AGFG1: variants seen among roughly 807,000 people sequenced by gnomAD.
AGFG1 encodes ArfGAP with FG repeats 1.
Under a neutral mutation model 60.6 loss-of-function variants are expected in AGFG1, and 10 were observed. That is an observed-to-expected ratio of 0.16 (90% CI 0.10 to 0.28). AGFG1 has a LOEUF of 0.28. AGFG1 is among the 10% of genes least tolerant of loss of function. The pLI, the probability that AGFG1 is intolerant of heterozygous loss-of-function variation, is 1.00. For missense variants in AGFG1, 537 were observed against 676.5 expected (o/e 0.79, Z 2.29); for synonymous variants, 247 against 242.9 (o/e 1.02, Z -0.16).
At chr2:227,530,147 A>G (rs565491165) in intron 5 of AGFG1, among the ~76,000 whole-genome samples, 1 of 152,274 alleles carries the variant, frequency 6.6e-6, no homozygotes, top group South Asian at 2.1e-4. Flanking sequence ...GTTCCACACT[A>G]AGTTGACTCC....
At chr2:227,549,148 C>G (rs1020977691) in intron 10 of AGFG1, among the ~76,000 whole-genome samples, 3 of 151,996 alleles carry the variant, frequency 2.0e-5, no homozygotes, top group Non-Finnish European at 4.4e-5. Flanking sequence ...AGTATAGATA[C>G]TATTGTCTCT....
intron 3 of AGFG1, among the ~76,000 whole-genome samples, chr2:227,521,080 T>C (rs1439296162): frequency 6.6e-6 from 1 of 152,148 alleles, no homozygotes; most frequent in Non-Finnish European, 1.5e-5. Context: ...TCTTTTTTTT[T>C]TGGAGACTGA....
intron 10 of AGFG1, 21 bp downstream of exon 10, chr2:227,537,014 A>G: frequency 6.3e-7 from 1 of 1,596,882 alleles, no homozygotes; most frequent in Non-Finnish European, 8.6e-7. Flanking sequence ...GAGACAGTGG[A>G]ACAGTAAGTT....
At chr2:227,538,463 G>T (rs1692378219) in intron 10 of AGFG1, among the ~76,000 whole-genome samples, 1 of 152,178 alleles carries the variant, frequency 6.6e-6, no homozygotes, top group Non-Finnish European at 1.5e-5. Context: ...AGATGCTATT[G>T]AGATATTTAT....
At chr2:227,552,415 C>G (rs942550766) in intron 11 of AGFG1, among the ~76,000 whole-genome samples, 5 of 151,980 alleles carry the variant, frequency 3.3e-5, no homozygotes, top group Admixed American at 2.0e-4. Flanking sequence ...TCTAATATAC[C>G]TCTTGATTTT....
rs1172914955 is a variant in AGFG1, at chr2:227,555,698, T to C, written c.*1203T>C. 2 of 152,626 alleles carry C rather than the reference T, an allele frequency of 1.3e-5. No homozygotes were observed. Among genetic ancestry groups the C allele is most frequent in the African/African-American group, 4.8e-5 (2 of 41,458 alleles). 9.5% of individuals were successfully genotyped at this position (152,626 alleles called of 1,614,324 possible). A position where few individuals can be genotyped will look rare whatever the true frequency, so the allele number is the denominator to read the frequency against. On this transcript the variant is annotated 3_prime_UTR_variant, in exon 13 of 13. Transcript: ENST00000310078. Reference sequence around the variant, plus strand: ...GATAATAAGTTTAGTTATATCTTTTTGTTAATATTCAAATGAACTTGTTTA... The same window carrying C: ...GATAATAAGTTTAGTTATATCTTTTCGTTAATATTCAAATGAACTTGTTTA...
intron 2 of AGFG1, among the ~76,000 whole-genome samples, chr2:227,506,702 A>G (rs1298174607): frequency 1.3e-5 from 2 of 151,862 alleles, no homozygotes; most frequent in Non-Finnish European, 2.9e-5. Context: ...TTGGGGTTTT[A>G]ACCTGAGGCT....
At chr2:227,545,035 T>A (rs1297831843) in intron 10 of AGFG1, among the ~76,000 whole-genome samples, 1 of 152,236 alleles carries the variant, frequency 6.6e-6, no homozygotes, top group Non-Finnish European at 1.5e-5. Context: ...TTCTCCTGGA[T>A]AATATCCTGC....
chr2:227,500,798 AAT>A (rs1491479489), intron 2 of AGFG1, among the ~76,000 whole-genome samples: 4 of 151,562 alleles, frequency 2.6e-5, no homozygotes, highest in East Asian at 3.9e-4. Flanking sequence ...TTAAAAAAAA[AAT>A]TTTTTTTTTG....
At chr2:227,472,927 C>T (rs2106144451) in intron 1 of AGFG1, among the ~76,000 whole-genome samples, 1 of 147,632 alleles carries the variant, frequency 6.8e-6, no homozygotes, top group Non-Finnish European at 1.5e-5. Flanking sequence ...CCGCCGCCCT[C>T]GCTCTCCAGC....
chr2:227,509,308 C>T (rs1376580697), intron 2 of AGFG1, among the ~76,000 whole-genome samples: 5 of 152,062 alleles, frequency 3.3e-5, no homozygotes, highest in Non-Finnish European at 7.4e-5. Flanking sequence ...CACCAAACAG[C>T]TGGCCTGTAC....
At position 227,484,677 on chromosome 2, in the gene AGFG1, GTTTTTTTTTTGTTTT is replaced by G. The variant is rs1295348889; in HGVS notation, c.168-6859_168-6845del. 7.3e-3 allele frequency among the ~76,000 whole-genome samples: 842 copies of G among 115,844 alleles called. 36 individuals carry two copies. Among genetic ancestry groups the G allele is most frequent in the Middle Eastern group, 0.031 (6 of 196 alleles). The allele number at this position is 115,844 out of a possible 152,430, so 76.0% of individuals were successfully genotyped here. On this transcript the variant is annotated intron_variant, in intron 1 of 12. Coordinates refer to ENST00000310078, the MANE Select transcript of AGFG1 (RefSeq NM_004504.5). The stretch of plus-strand genomic sequence containing the variant: ...AAGCTTCTTTAATGAAGATCTCTTA[GTTTTTTTTTTGTTTT>G]TTTTTTTTTTTTTTTTTTTTTTTTT...
In AGFG1 at chr2:227,536,720, A is replaced by G. The variant is rs375115844; in HGVS notation, c.1285+16A>G. On this transcript the variant is annotated intron_variant, in intron 9 of 12. Coordinates refer to ENST00000310078, the MANE Select transcript of AGFG1 (RefSeq NM_004504.5). ...CCATTTGGAGGTATGTGCTTCTGGT[A>G]TATACACTGGTTTTTACAAAGAACC... 14 of 1,612,966 alleles carry G rather than the reference A, an allele frequency of 8.7e-6. 1 individual carries two copies. The highest frequency in any genetic ancestry group is 6.8e-6 in the Non-Finnish European group (8 of 1,179,260).
chr2:227,543,734 T>G (rs1445681130), intron 10 of AGFG1, among the ~76,000 whole-genome samples: 2 of 152,236 alleles, frequency 1.3e-5, no homozygotes, highest in African/African-American at 4.8e-5. Context: ...CTCATTGATC[T>G]GTCTGATGTT....
Position 227,555,419 on chromosome 2 carries a change from T to C in AGFG1, c.*924T>C, listed in dbSNP as rs1328995592. On this transcript the variant is annotated 3_prime_UTR_variant, in exon 13 of 13. Transcript: ENST00000310078. ...GCATGTATGTGTATTTACAAATTTT[T>C]CTAAGTATCTTGAATTCTCAGACTG... 6.6e-6 allele frequency: 1 copy of C among 152,614 alleles called. No homozygotes were observed. Among genetic ancestry groups the C allele is most frequent in the East Asian group, 1.9e-4 (1 of 5,196 alleles). 9.5% of individuals were successfully genotyped at this position (152,614 alleles called of 1,614,324 possible).
intron 1 of AGFG1, among the ~76,000 whole-genome samples, chr2:227,473,660 G>C (rs1277992294): frequency 6.6e-6 from 1 of 152,164 alleles, no homozygotes; most frequent in Non-Finnish European, 1.5e-5. Flanking sequence ...TGTATTTAAA[G>C]TTACTAACAA....
Position 227,556,255 on chromosome 2 carries a change from C to CT in AGFG1, c.*1761dup, listed in dbSNP as rs1169564605. 8 of 152,292 alleles carry CT rather than the reference C, an allele frequency of 5.3e-5. No individual in the cohort carries two copies. The highest frequency in any genetic ancestry group is 3.3e-4 in the Admixed American group (5 of 15,292). The allele number at this position is 152,292 out of a possible 1,614,324, so 9.4% of individuals were successfully genotyped here. On this transcript the variant is annotated 3_prime_UTR_variant, in exon 13 of 13. Coordinates refer to ENST00000310078, the MANE Select transcript of AGFG1 (RefSeq NM_004504.5). Reference sequence around the variant, plus strand: ...GTTGAATGCCTTTTTGCAATGATGACTGAGTTGTTATCATAGTATTTTAAA... The same window carrying CT: ...GTTGAATGCCTTTTTGCAATGATGACTTGAGTTGTTATCATAGTATTTTAAA...
At chr2:227,512,428 T>C (rs1691521289) in intron 2 of AGFG1, among the ~76,000 whole-genome samples, 1 of 152,208 alleles carries the variant, frequency 6.6e-6, no homozygotes, top group South Asian at 2.1e-4. Context: ...GCTGGTGGTC[T>C]AGCAATACAG....
chr2:227,481,126 ATTTG>A (rs1690447756), intron 1 of AGFG1, among the ~76,000 whole-genome samples: 1 of 41,356 alleles, frequency 2.4e-5, no homozygotes, highest in African/African-American at 9.6e-5. Flanking sequence ...TTTTTTTTGA[ATTTG>A]TTTGGAAACT....
Sources: allele counts gnomAD v4.1 joint callset (sites outside exome capture counted in the v4.1 genomes callset), GRCh38; gene constraint gnomAD v4.1.1; transcripts MANE v1.5; gene names NCBI Gene and HGNC (gene_info 2026-07-23, HGNC 2026-07-21).